Variants in PRKAG2 observed in about 807,000 individuals in gnomAD.
PRKAG2 encodes the protein 5'-AMP-activated protein kinase subunit gamma-2.
Under a neutral mutation model 69.6 loss-of-function variants are expected in PRKAG2, and 26 were observed. That is an observed-to-expected ratio of 0.37 (90% CI 0.27 to 0.52). PRKAG2 has a LOEUF of 0.52. Ranked by LOEUF, PRKAG2 falls within the 20% of genes least tolerant of loss-of-function variation. The pLI is 0.90. For missense variants in PRKAG2, 557 were observed against 740.0 expected, an observed-to-expected ratio of 0.75 and a Z score of 2.87; for synonymous variants, 293 against 285.0, an observed-to-expected ratio of 1.03 and a Z score of -0.28.
intron 3 of PRKAG2, among the ~76,000 whole-genome samples, chr7:151,678,394 C>T (rs532377208): frequency 4.6e-5 from 7 of 152,216 alleles, no homozygotes; most frequent in Non-Finnish European, 1.0e-4. Flanking sequence ...GTGAGAGGAC[C>T]GGCTCAAGGT....
chr7:151,726,260 T>A (rs1194780695), intron 3 of PRKAG2, among the ~76,000 whole-genome samples: 1 of 151,990 alleles, frequency 6.6e-6, no homozygotes, highest in Non-Finnish European at 1.5e-5. Flanking sequence ...AGCACCTGCG[T>A]GTGCGCAGAG....
intron 3 of PRKAG2, among the ~76,000 whole-genome samples, chr7:151,698,374 G>T (rs942048527): frequency 1.3e-5 from 2 of 152,134 alleles, no homozygotes; most frequent in African/African-American, 2.4e-5. Context: ...ATCATCGCTG[G>T]TATGGTTTAG....
At position 151,560,408 on chromosome 7, in the gene PRKAG2, C is replaced by T. The variant is rs1348475140; in HGVS notation, c.1678+116G>A. ...ACGAAAATGGTTTCAAAGTAATATA[C>T]TCAAAGCCTTGATCTGTAGGTGGGT... On this transcript the variant is annotated intron_variant, in intron 15 of 15. Coordinates refer to ENST00000287878, the MANE Select transcript of PRKAG2 (RefSeq NM_016203.4). 6.9e-6 allele frequency: 11 copies of T among 1,602,390 alleles called. No individual in the cohort carries two copies. The South Asian group carries it at 1.1e-4, about 16-fold the overall frequency.
chr7:151,774,835 C>T (rs2076257120), intron 3 of PRKAG2, among the ~76,000 whole-genome samples: 1 of 152,108 alleles, frequency 6.6e-6, no homozygotes, highest in South Asian at 2.1e-4. Context: ...AGAAAGAAAA[C>T]AGTGCTTATC....
intron 1 of PRKAG2, among the ~76,000 whole-genome samples, chr7:151,826,400 CTCGAACTCCT>C (rs1002252186): frequency 4.6e-5 from 7 of 152,050 alleles, no homozygotes; most frequent in Non-Finnish European, 1.0e-4. Context: ...ACAGGCTGGT[CTCGAACTCCT>C]GATCTTAGGT....
At chr7:151,619,582 C>A (rs565017305) in intron 5 of PRKAG2, among the ~76,000 whole-genome samples, 2 of 152,076 alleles carry the variant, frequency 1.3e-5, no homozygotes, top group Admixed American at 6.5e-5. Flanking sequence ...GTTTCATGCA[C>A]AAAGTTATTA....
At chr7:151,755,050 C>A (rs73158202) in intron 3 of PRKAG2, among the ~76,000 whole-genome samples, 2 of 152,224 alleles carry the variant, frequency 1.3e-5, no homozygotes, top group African/African-American at 4.8e-5. Context: ...CGTGAAGCCC[C>A]GACAGAGAGT....
chr7:151,846,318 C>A (rs56308233), intron 1 of PRKAG2, among the ~76,000 whole-genome samples: 11,902 of 151,948 alleles, frequency 0.078, 926 homozygotes, highest in East Asian at 0.38. Context: ...AAATACAAAA[C>A]TTAGCTGGGT....
In PRKAG2 at chr7:151,564,101, C is replaced by T. The variant is rs767550594; in HGVS notation, c.1561G>A (p.Val521Met). 9 of 1,614,128 alleles carry T rather than the reference C, an allele frequency of 5.6e-6. No homozygotes were observed. The highest frequency in any genetic ancestry group is 2.2e-5 in the East Asian group (1 of 44,874). Residue 521 changes from valine (V) to methionine (M), a missense_variant, in exon 14 of 16, where the codon GTG becomes ATG. Val to Met is a conservative substitution (Grantham distance 21, BLOSUM62 1). This residue lies in a region of PRKAG2 where 205 missense variants were observed against 383.4 expected (regional missense o/e 0.53). Transcript: ENST00000287878. ...ACCTCAGCTCTTACTATTCTGTCCA[C>T]GATGGTCTCCAGTATTTCCAGCTTA... ...CNKLEILETI[V>M]DRIVRAEVHR...
chr7:151,720,922 GGGGATGGAGA>G (rs1419882080), intron 3 of PRKAG2, among the ~76,000 whole-genome samples: 2 of 143,326 alleles, frequency 1.4e-5, no homozygotes, highest in East Asian at 4.1e-4. Context: ...GGGAATGGAG[GGGGATGGAGA>G]GGGATGGAGC....
intron 4 of PRKAG2, among the ~76,000 whole-genome samples, chr7:151,663,178 A>G (rs28602184): frequency 0.01 from 1,528 of 152,296 alleles, 27 homozygotes; most frequent in African/African-American, 0.035. Context: ...TGTCTGTGCC[A>G]CTTCAAATGT....
At chr7:151,868,404 G>A (rs1004958872) in intron 1 of PRKAG2, among the ~76,000 whole-genome samples, 4 of 152,198 alleles carry the variant, frequency 2.6e-5, no homozygotes, top group Admixed American at 6.5e-5. Context: ...TAAGAACTCC[G>A]TATGGTTAAG....
chr7:151,683,710 C>T (rs939978467), intron 3 of PRKAG2, among the ~76,000 whole-genome samples: 4 of 152,098 alleles, frequency 2.6e-5, no homozygotes, highest in East Asian at 3.9e-4. Flanking sequence ...TGAGGGGGAA[C>T]GGTGGCCCAG....
chr7:151,794,171 G>A (rs934659478), intron 1 of PRKAG2, among the ~76,000 whole-genome samples: 2 of 152,114 alleles, frequency 1.3e-5, no homozygotes, highest in African/African-American at 4.8e-5. Context: ...GCCTCCCCTG[G>A]CTTTGAGGAA....
chr7:151,609,125 A>G (rs919932522), intron 5 of PRKAG2, among the ~76,000 whole-genome samples: 3 of 152,240 alleles, frequency 2.0e-5, no homozygotes, highest in Admixed American at 6.5e-5. Context: ...AGACAAAAAA[A>G]TGCAGTTGAA....
intron 3 of PRKAG2, among the ~76,000 whole-genome samples, chr7:151,767,251 T>C (rs1373698901): frequency 6.6e-6 from 1 of 152,180 alleles, no homozygotes; most frequent in East Asian, 1.9e-4. Context: ...GCCCACACCC[T>C]GATTCCAGAC....
intron 3 of PRKAG2, among the ~76,000 whole-genome samples, chr7:151,693,421 C>T (rs1318636697): frequency 6.6e-6 from 1 of 152,210 alleles, no homozygotes; most frequent in Non-Finnish European, 1.5e-5. Context: ...ACCCGTCCCT[C>T]CTCCAGGCCC....
chr7:151,791,540 G>A (rs1033092023), intron 1 of PRKAG2, among the ~76,000 whole-genome samples: 8 of 152,178 alleles, frequency 5.3e-5, no homozygotes, highest in African/African-American at 9.7e-5. Context: ...CCTGATTTCC[G>A]CCAAGAGACA....
chr7:151,693,064 A>G (rs1197805079), intron 3 of PRKAG2, among the ~76,000 whole-genome samples: 1 of 152,028 alleles, frequency 6.6e-6, no homozygotes, highest in Non-Finnish European at 1.5e-5. Context: ...AGAAAGGGAG[A>G]TCCCACTCCT....
Sources: gnomAD v4.1 joint callset for allele counts (sites outside exome capture counted in the v4.1 genomes callset) on GRCh38, gnomAD v4.1.1 for gene constraint, gnomAD v4.1.1 regional missense constraint, MANE v1.5 for transcripts, NCBI Gene and HGNC (gene_info 2026-07-23, HGNC 2026-07-21) for gene names.